The following SNX29 variants were observed in gnomAD, a reference collection of about 807,000 sequenced individuals.
The protein encoded by SNX29 is sorting nexin-29.
In SNX29, 78 loss-of-function variants were observed where a neutral mutation model predicts 102.1. The observed-to-expected ratio is 0.76, with a 90% CI of 0.64 to 0.92. The LOEUF is 0.92. Among genes scored for constraint, SNX29 ranks in the 40% least tolerant of loss-of-function variants. The probability of loss-of-function intolerance (pLI) is 0.00; values close to 1 mark genes in which losing one functional copy is unlikely to be tolerated. For synonymous variants in SNX29, 580 were observed against 414.5 expected (o/e 1.40, Z -4.85); for missense variants, 1,280 against 1,061.7 (o/e 1.21, Z -2.86).
chr16:12,180,872 C>T (rs966832617), intron 13 of SNX29, among the ~76,000 whole-genome samples: 8 of 152,146 alleles, frequency 5.3e-5, no homozygotes, highest in East Asian at 3.9e-4. Context: ...CTGTGGATTT[C>T]GTGTGGTGTT....
At chr16:12,555,593 C>T (rs1424347930) in intron 20 of SNX29, among the ~76,000 whole-genome samples, 2 of 151,878 alleles carry the variant, frequency 1.3e-5, no homozygotes, top group Admixed American at 6.6e-5. Flanking sequence ...TCCCTGTACC[C>T]AGCAGCTGCC....
intron 20 of SNX29, among the ~76,000 whole-genome samples, chr16:12,553,630 G>T (rs1004403136): frequency 7.0e-6 from 1 of 141,928 alleles, no homozygotes; most frequent in Non-Finnish European, 1.5e-5. Context: ...TGTGCTTGTT[G>T]CCCAGGCTGG....
chr16:12,048,724 C>G, intron 7 of SNX29, 104 bp downstream of exon 7: 3 of 1,573,866 alleles, frequency 1.9e-6, no homozygotes, highest in Admixed American at 1.7e-5. Flanking sequence ...GGAATGGAGT[C>G]CAGTGCACTT....
intron 10 of SNX29, among the ~76,000 whole-genome samples, chr16:12,069,620 G>C (rs893460877): frequency 2.6e-5 from 4 of 152,160 alleles, no homozygotes; most frequent in African/African-American, 9.7e-5. Flanking sequence ...GCCTCAGAGA[G>C]ACTGTATAAG....
chr16:12,073,640 T>G (rs188303595), intron 10 of SNX29, among the ~76,000 whole-genome samples: 1 of 152,328 alleles, frequency 6.6e-6, no homozygotes, highest in East Asian at 1.9e-4. Flanking sequence ...AAAATATATA[T>G]TCTGTTGATT....
At chr16:12,085,815 T>C (rs1011028747) in intron 11 of SNX29, among the ~76,000 whole-genome samples, 2 of 152,178 alleles carry the variant, frequency 1.3e-5, no homozygotes, top group African/African-American at 2.4e-5. Context: ...TTCTGAGGTG[T>C]AGGTTATATT....
chr16:12,196,444 G>T (rs763460635), intron 13 of SNX29, among the ~76,000 whole-genome samples: 9 of 152,052 alleles, frequency 5.9e-5, no homozygotes, highest in Admixed American at 1.3e-4. Flanking sequence ...CACTACATAC[G>T]TATGGATCTC....
chr16:12,129,203 C>T (rs1308961205), intron 12 of SNX29, among the ~76,000 whole-genome samples: 2 of 152,160 alleles, frequency 1.3e-5, no homozygotes, highest in African/African-American at 4.8e-5. Flanking sequence ...TTTTATGCCT[C>T]AGATTATTGT....
At chr16:12,238,873 C>T (rs898046105) in intron 14 of SNX29, among the ~76,000 whole-genome samples, 1 of 152,214 alleles carries the variant, frequency 6.6e-6, no homozygotes, top group Non-Finnish European at 1.5e-5. Flanking sequence ...GCTCTACCAT[C>T]CTTAGCTGTG....
intron 20 of SNX29, chr16:12,557,726 CAGG>C (rs766292298): frequency 2.6e-5 from 4 of 152,294 alleles, no homozygotes; most frequent in African/African-American, 4.8e-5. Flanking sequence ...ACCTCAGATG[CAGG>C]AGTAGTGCAC....
intron 20 of SNX29, among the ~76,000 whole-genome samples, chr16:12,563,443 G>T (rs531616978): frequency 9.2e-5 from 14 of 152,348 alleles, no homozygotes; most frequent in African/African-American, 3.4e-4. Context: ...TCCTTTGCAG[G>T]TAAATTTAGG....
intron 15 of SNX29, among the ~76,000 whole-genome samples, chr16:12,348,924 T>A (rs1257911499): frequency 1.3e-5 from 2 of 152,212 alleles, no homozygotes; most frequent in East Asian, 3.9e-4. Context: ...GAGTGCCCCC[T>A]GAGTCTGCCC....
intron 17 of SNX29, among the ~76,000 whole-genome samples, chr16:12,402,708 T>G (rs1310732855): frequency 6.6e-6 from 1 of 152,230 alleles, no homozygotes; most frequent in Non-Finnish European, 1.5e-5. Flanking sequence ...ATAAATGATT[T>G]GACCATAGGT....
intron 20 of SNX29, among the ~76,000 whole-genome samples, chr16:12,539,188 A>G (rs2077212637): frequency 6.6e-6 from 1 of 152,214 alleles, no homozygotes; most frequent in African/African-American, 2.4e-5. Context: ...AAACACATGC[A>G]TAGATTTGAG....
intron 20 of SNX29, among the ~76,000 whole-genome samples, chr16:12,538,785 A>G (rs576353954): frequency 6.6e-6 from 1 of 152,200 alleles, no homozygotes; most frequent in African/African-American, 2.4e-5. Flanking sequence ...CACATCGCCA[A>G]GGGGGATTAC....
intron 20 of SNX29, among the ~76,000 whole-genome samples, chr16:12,564,597 G>C (rs547466777): frequency 1.3e-5 from 2 of 152,178 alleles, no homozygotes; most frequent in Non-Finnish European, 2.9e-5. Context: ...TTTCTTGTTT[G>C]TGAAACTGTA....
At chr16:12,275,841 T>C (rs1010764718) in intron 14 of SNX29, among the ~76,000 whole-genome samples, 3 of 151,804 alleles carry the variant, frequency 2.0e-5, no homozygotes, top group African/African-American at 7.3e-5. Flanking sequence ...ATCTGGGTAC[T>C]TACCATATTC....
chr16:12,348,680 C>A lies in SNX29; in HGVS notation c.1783-7483C>A, dbSNP rs142215632. ...TGCTAGCTCAGCATCACAGTGATGG[C>A]GTATGCTGAGAGGGAGGAGAGAGGA... On this transcript the variant is annotated intron_variant, in intron 15 of 20. Coordinates refer to ENST00000566228, the MANE Select transcript of SNX29 (RefSeq NM_032167.5). Among the ~76,000 whole-genome samples, 170 of 152,256 alleles carry A rather than the reference C, an allele frequency of 1.1e-3. 1 individual carries two copies. Among genetic ancestry groups the A allele is most frequent in the Middle Eastern group, 3.4e-3 (1 of 292 alleles).
chr16:12,516,308 C>T (rs576173683), intron 19 of SNX29, among the ~76,000 whole-genome samples: 7 of 152,002 alleles, frequency 4.6e-5, no homozygotes, highest in South Asian at 4.2e-4. Flanking sequence ...AGTGAGACCC[C>T]GTCTCTACAA....
Sources: allele counts gnomAD v4.1 joint callset (sites outside exome capture counted in the v4.1 genomes callset), GRCh38; gene constraint gnomAD v4.1.1; transcripts MANE v1.5; gene names NCBI Gene and HGNC (gene_info 2026-07-23, HGNC 2026-07-21).